Variants in RFX2 observed in about 807,000 individuals in gnomAD.
RFX2 encodes DNA-binding protein RFX2.
RFX2 carries 20 observed loss-of-function variants against 87.8 expected under a neutral mutation model. The observed-to-expected ratio is 0.23, with a 90% CI of 0.16 to 0.33. RFX2 has a LOEUF of 0.33. Ranked by LOEUF, RFX2 falls within the 10% of genes least tolerant of loss-of-function variation. The pLI, the probability that RFX2 is intolerant of heterozygous loss-of-function variation, is 1.00. For synonymous variants in RFX2, 397 were observed against 431.3 expected, an observed-to-expected ratio of 0.92 and a Z score of 0.98; for missense variants, 767 against 1,012.3, an observed-to-expected ratio of 0.76 and a Z score of 3.29.
In RFX2 at chr19:6,026,594, C is replaced by CGAG; in HGVS notation, c.523-358_523-357insCTC. The CGAG allele has an allele frequency of 1.0e-5, 3 of 298,758 alleles. No homozygotes were observed. Among genetic ancestry groups the CGAG allele is most frequent in the Non-Finnish European group, 1.9e-5 (3 of 156,798 alleles). The allele number at this position is 298,758 out of a possible 1,614,324, so 18.5% of individuals were successfully genotyped here. The stretch of plus-strand genomic sequence containing the variant: ...TCCATTCCAGTGTCAGCCAAGCCAG[C>CGAG]ATCATAGTCACCTGCTCCTTTCCCC... On this transcript the variant is annotated intron_variant, in intron 5 of 17. Coordinates refer to ENST00000303657, the MANE Select transcript of RFX2 (RefSeq NM_000635.4). This position sits in a 1 kb window ranked among gnomAD's most constrained non-coding sequence, Gnocchi z 4.5.
rs2086609063 is a variant in RFX2 at position 6,008,132 on chromosome 19, G to A, written c.1108C>T (p.Gln370Ter). Residue 370 changes from glutamine (Q) to a stop codon, truncating the protein, a stop_gained, in exon 10 of 18, where the codon CAG becomes TAG. Transcript: ENST00000303657. LOFTEE classifies it high-confidence loss of function. Reference protein sequence around the residue: ...GVTLHDVKALQLVYRRHCEAT... With the variant: ...GVTLHDVKAL ...TCGCAGTGCCGTCTGTACACCAGCT[G>A]CAGGGCCTTGACGTCGTGCAGTGTG... 6.4e-7 allele frequency: 1 copy of A among 1,552,596 alleles called. No individual in the cohort carries two copies. Among genetic ancestry groups the A allele is most frequent in the Non-Finnish European group, 8.7e-7 (1 of 1,147,510 alleles).
At chr19:6,028,274 T>G (rs886567641) in intron 5 of RFX2, among the ~76,000 whole-genome samples, 1 of 151,902 alleles carries the variant, frequency 6.6e-6, no homozygotes, top group Non-Finnish European at 1.5e-5. Context: ...GTAGAGTGCG[T>G]GACTTACAGA....
rs1379109138 is a variant in RFX2, at chr19:6,044,601, T to A, written c.91-319A>T. 6.6e-6 allele frequency among the ~76,000 whole-genome samples: 1 copy of A among 152,134 alleles called. No homozygotes were observed. Among genetic ancestry groups the A allele is most frequent in the Non-Finnish European group, 1.5e-5 (1 of 68,022 alleles). Reference sequence around the variant, plus strand: ...GCACACACACATACACGGAAGCACATGCACCTTCACCCGCCCAGGCAGCTT... The same window carrying A: ...GCACACACACATACACGGAAGCACAAGCACCTTCACCCGCCCAGGCAGCTT... On this transcript the variant is annotated intron_variant, in intron 2 of 17. Coordinates refer to ENST00000303657, the MANE Select transcript of RFX2 (RefSeq NM_000635.4). This position sits in a 1 kb window ranked among gnomAD's most constrained non-coding sequence, Gnocchi z 5.3.
chr19:6,095,292 GAAAGTAAGC>G (rs1212047762), intron 1 of RFX2, among the ~76,000 whole-genome samples: 1 of 152,052 alleles, frequency 6.6e-6, no homozygotes, highest in Non-Finnish European at 1.5e-5. Context: ...TATTTTACTA[GAAAGTAAGC>G]AAAATGATTT....
intron 1 of RFX2, among the ~76,000 whole-genome samples, chr19:6,060,684 A>G (rs1436109879): frequency 6.6e-6 from 1 of 151,412 alleles, no homozygotes; most frequent in Non-Finnish European, 1.5e-5. Context: ...CTGAACTTGT[A>G]CTCTCTGCAG....
rs1262510571 is a variant in RFX2 at position 5,995,662 on chromosome 19, G to A, written c.2014-19C>T. The A allele has an allele frequency of 3.9e-6, 6 of 1,551,784 alleles. No individual in the cohort carries two copies. Among genetic ancestry groups the A allele is most frequent in the Admixed American group, 2.0e-5 (1 of 51,046 alleles). On this transcript the variant is annotated intron_variant, in intron 16 of 17. Transcript: ENST00000303657. ...CGTTGAACTGAAAGAGAAACCTGGA[G>A]TCAGGGGCGCCTGCAGAGGGGCGGC...
chr19:6,090,327 C>T (rs987004973), intron 1 of RFX2, among the ~76,000 whole-genome samples: 3 of 147,908 alleles, frequency 2.0e-5, no homozygotes, highest in African/African-American at 5.1e-5. Flanking sequence ...GCCAAGATCA[C>T]GCCATTGCAC....
rs2086730315 is a variant in RFX2, at chr19:6,016,706, T to C, written c.598-435A>G. Among the ~76,000 whole-genome samples the C allele has an allele frequency of 6.6e-6, 1 of 152,244 alleles. No homozygotes were observed. On this transcript the variant is annotated intron_variant, in intron 6 of 17. Coordinates refer to ENST00000303657, the MANE Select transcript of RFX2 (RefSeq NM_000635.4). The surrounding 1 kb of genome is among the most constrained non-coding windows in gnomAD (Gnocchi z 5.4). ...GTGCCTGGCCAGAAATCCATCTTTA[T>C]GGTCACTGATTTGAGTTCTCTAAGC...
chr19:6,062,185 A>G (rs573462058), intron 1 of RFX2, among the ~76,000 whole-genome samples: 1 of 152,198 alleles, frequency 6.6e-6, no homozygotes, highest in African/African-American at 2.4e-5. Flanking sequence ...GTAACAAAAC[A>G]AAACAATGAA....
At chr19:6,035,120 T>TA (rs2087004170) in intron 5 of RFX2, among the ~76,000 whole-genome samples, 1 of 152,152 alleles carries the variant, frequency 6.6e-6, no homozygotes, top group African/African-American at 2.4e-5. Context: ...AGAAAAATTT[T>TA]AAAAAAGATA....
At chr19:5,995,477 C>A in intron 17 of RFX2, 124 bp downstream of exon 17, 1 of 931,222 alleles carries the variant, frequency 1.1e-6, no homozygotes, top group Non-Finnish European at 1.7e-6. Context: ...GATCCCAGGG[C>A]CCTCACCCCC....
chr19:6,002,638 G>A lies in RFX2; in HGVS notation c.1650+83C>T. On this transcript the variant is annotated intron_variant, in intron 14 of 17. Coordinates refer to ENST00000303657, the MANE Select transcript of RFX2 (RefSeq NM_000635.4). The surrounding 1 kb of genome is among the most constrained non-coding windows in gnomAD (Gnocchi z 6.7). ...AGGCTCGGGGCAGGGGCCAGGTTGT[G>A]CCACGGGCTCCACTTGGTGGGTTTG... 6.5e-7 allele frequency: 1 copy of A among 1,548,190 alleles called. No individual in the cohort carries two copies. The highest frequency in any genetic ancestry group is 1.7e-5 in the Admixed American group (1 of 58,276).
At chr19:6,096,608 G>A (rs965971933) in intron 1 of RFX2, among the ~76,000 whole-genome samples, 32 of 152,090 alleles carry the variant, frequency 2.1e-4, no homozygotes, top group South Asian at 4.2e-4. Context: ...CACCATGCCC[G>A]ACTAATTTTT....
intron 6 of RFX2, among the ~76,000 whole-genome samples, chr19:6,025,146 C>T (rs72991045): frequency 1.6e-3 from 238 of 152,250 alleles, no homozygotes; most frequent in South Asian, 2.9e-3. Context: ...ATGTGCAAAA[C>T]CGAATCAAGA....
rs1005556139 is a variant in RFX2 at position 6,064,062 on chromosome 19, T to C, written c.-8-16558A>G. Among the ~76,000 whole-genome samples the C allele has an allele frequency of 7.2e-5, 11 of 152,212 alleles. No homozygotes were observed. Among genetic ancestry groups the C allele is most frequent in the Non-Finnish European group, 1.3e-4 (9 of 68,040 alleles). On this transcript the variant is annotated intron_variant, in intron 1 of 17. Coordinates refer to ENST00000303657, the MANE Select transcript of RFX2 (RefSeq NM_000635.4). The surrounding 1 kb of genome is among the most constrained non-coding windows in gnomAD (Gnocchi z 4.8). ...CTTGAGAAAACAAAGTCTGGATCTA[T>C]GTCATCTCAGCAGCCCCCTCACAGA...
intron 1 of RFX2, among the ~76,000 whole-genome samples, chr19:6,060,501 T>C (rs2087412177): frequency 6.6e-6 from 1 of 152,186 alleles, no homozygotes; most frequent in East Asian, 1.9e-4. Flanking sequence ...GAGGAGAACA[T>C]CCACTGCCAC....
At chr19:6,096,925 C>T (rs999963945) in intron 1 of RFX2, among the ~76,000 whole-genome samples, 2 of 152,110 alleles carry the variant, frequency 1.3e-5, no homozygotes, top group Non-Finnish European at 2.9e-5. Context: ...TGGAAGAACA[C>T]AGAACAAGAG....
intron 1 of RFX2, among the ~76,000 whole-genome samples, chr19:6,067,677 C>A (rs911226094): frequency 2.6e-5 from 4 of 152,200 alleles, no homozygotes; most frequent in African/African-American, 4.8e-5. Flanking sequence ...TGAAGTGGCA[C>A]CACCACCTTT....
At chr19:6,093,167 A>C (rs887921497) in intron 1 of RFX2, among the ~76,000 whole-genome samples, 1 of 152,226 alleles carries the variant, frequency 6.6e-6, no homozygotes, top group African/African-American at 2.4e-5. Context: ...ACACGTGTAC[A>C]CAAATATATT....
Sources: gnomAD v4.1 joint callset for allele counts (sites outside exome capture counted in the v4.1 genomes callset) on GRCh38, gnomAD v4.1.1 for gene constraint, Gnocchi (gnomAD v3.1) non-coding constraint, MANE v1.5 for transcripts, NCBI Gene and HGNC (gene_info 2026-07-23, HGNC 2026-07-21) for gene names.